The following DIS3L2 variants were observed in gnomAD, a reference collection of about 807,000 sequenced individuals.
DIS3L2 encodes the protein DIS3 like 3'-5' exoribonuclease 2.
DIS3L2 carries 34 observed loss-of-function variants against 97.5 expected under a neutral mutation model. That is an observed-to-expected ratio of 0.35 (90% CI 0.27 to 0.46). DIS3L2 has a LOEUF of 0.46. Ranked by LOEUF, DIS3L2 falls within the 20% of genes least tolerant of loss-of-function variation. The pLI, the probability that DIS3L2 is intolerant of heterozygous loss-of-function variation, is 1.00. For synonymous variants in DIS3L2, 435 were observed against 445.2 expected, an observed-to-expected ratio of 0.98 and a Z score of 0.29; for missense variants, 1,038 against 1,146.0, an observed-to-expected ratio of 0.91 and a Z score of 1.36.
intron 3 of DIS3L2, among the ~76,000 whole-genome samples, chr2:232,021,181 A>G (rs1181564778): frequency 6.6e-6 from 1 of 152,152 alleles, no homozygotes; most frequent in East Asian, 1.9e-4. Flanking sequence ...AGTTGAGAGT[A>G]GAGAATCAAG....
chr2:231,981,598 T>TTATATATATA (rs10669283), intron 1 of DIS3L2, among the ~76,000 whole-genome samples: 1,378 of 83,900 alleles, frequency 0.016, 20 homozygotes, highest in Non-Finnish European at 0.022. Context: ...GTTAAGTATT[T>TTATATATATA]TATATATATA....
At chr2:232,208,795 A>T (rs530601571) in intron 9 of DIS3L2, among the ~76,000 whole-genome samples, 69 of 152,228 alleles carry the variant, frequency 4.5e-4, no homozygotes, top group African/African-American at 1.5e-3. Flanking sequence ...TGGGAGGCCA[A>T]GTTGAGAGGA....
intron 1 of DIS3L2, among the ~76,000 whole-genome samples, chr2:232,012,476 G>A (rs1694230375): frequency 6.7e-6 from 1 of 148,268 alleles, no homozygotes; most frequent in African/African-American, 2.4e-5. Flanking sequence ...GACATGTAGT[G>A]CCCCATTTTC....
intron 9 of DIS3L2, among the ~76,000 whole-genome samples, chr2:232,201,100 A>T (rs549163793): frequency 6.6e-6 from 1 of 152,358 alleles, no homozygotes; most frequent in East Asian, 1.9e-4. Context: ...AGAGCAGGAT[A>T]TTCACATGAT....
intron 1 of DIS3L2, among the ~76,000 whole-genome samples, chr2:231,985,645 C>T (rs1693389552): frequency 1.3e-5 from 2 of 152,200 alleles, no homozygotes; most frequent in South Asian, 4.1e-4. Flanking sequence ...TTATTTCCTT[C>T]CTTTCTCTCT....
intron 11 of DIS3L2, among the ~76,000 whole-genome samples, chr2:232,241,034 G>A (rs1004033874): frequency 3.3e-5 from 5 of 152,306 alleles, no homozygotes; most frequent in Admixed American, 3.3e-4. Context: ...TGGAGGAAGG[G>A]CCCGCACGCC....
rs1403968401 is a variant in DIS3L2 at position 232,334,466 on chromosome 2, C to A, written c.2256C>A (p.Leu752=). 1 of 1,613,808 alleles carries A rather than the reference C, an allele frequency of 6.2e-7. No homozygotes were observed. Among genetic ancestry groups the A allele is most frequent in the Non-Finnish European group, 8.5e-7 (1 of 1,180,004 alleles). ...RRMASKRVQE[L]STSLFFAVLV... Reference sequence around the variant, plus strand: ...TGGCGTCCAAGCGCGTGCAGGAGCTCAGTACCAGTCTCTTCTTTGCTGTTC... The same window carrying A: ...TGGCGTCCAAGCGCGTGCAGGAGCTAAGTACCAGTCTCTTCTTTGCTGTTC... Residue 752 remains leucine, a synonymous_variant, in exon 18 of 21, where the codon CTC becomes CTA. Coordinates refer to ENST00000325385, the MANE Select transcript of DIS3L2 (RefSeq NM_152383.5).
chr2:232,177,312 T>A, intron 9 of DIS3L2, among the ~76,000 whole-genome samples: 1 of 147,178 alleles, frequency 6.8e-6, no homozygotes, highest in Non-Finnish European at 1.5e-5. Flanking sequence ...GTCATTTGGG[T>A]ATATATACCC....
chr2:232,321,626 GAGCAGGAAAAGCAA>G (rs1437473830), intron 14 of DIS3L2, among the ~76,000 whole-genome samples: 1 of 152,198 alleles, frequency 6.6e-6, no homozygotes, highest in East Asian at 1.9e-4. Flanking sequence ...GCGAAACCAA[GAGCAGGAAAAGCAA>G]CCCTGCTCAG....
intron 1 of DIS3L2, among the ~76,000 whole-genome samples, chr2:231,962,038 C>G (rs1692572595): frequency 6.6e-6 from 1 of 152,234 alleles, no homozygotes; most frequent in Non-Finnish European, 1.5e-5. Context: ...CCCTTGTAGC[C>G]TAGGATGGCG....
chr2:232,193,804 T>C (rs934775637), intron 9 of DIS3L2, among the ~76,000 whole-genome samples: 3 of 152,190 alleles, frequency 2.0e-5, no homozygotes, highest in Non-Finnish European at 4.4e-5. Context: ...AGCCTTTTTT[T>C]CCAGTGATTG....
At chr2:232,267,804 T>C (rs112962554) in intron 13 of DIS3L2, among the ~76,000 whole-genome samples, 148 of 152,280 alleles carry the variant, frequency 9.7e-4, no homozygotes, top group Non-Finnish European at 1.9e-3. Flanking sequence ...TCAGGCACCT[T>C]CCCACTTAGG....
chr2:232,030,811 T>G (rs543692238), intron 5 of DIS3L2, among the ~76,000 whole-genome samples: 12 of 152,276 alleles, frequency 7.9e-5, no homozygotes, highest in African/African-American at 2.9e-4. Flanking sequence ...GGCTTTTTTG[T>G]TTTATTTATT....
intron 1 of DIS3L2, among the ~76,000 whole-genome samples, chr2:231,990,305 G>C (rs1210390494): frequency 6.6e-6 from 1 of 151,884 alleles, no homozygotes; most frequent in Non-Finnish European, 1.5e-5. Flanking sequence ...TGTTTCTAAA[G>C]TACTTGTGTT....
At chr2:232,270,483 A>T (rs1318993971) in intron 13 of DIS3L2, among the ~76,000 whole-genome samples, 2 of 152,180 alleles carry the variant, frequency 1.3e-5, no homozygotes, top group Non-Finnish European at 2.9e-5. Context: ...ACATTATAAT[A>T]CCTACATAAT....
At chr2:232,215,888 G>T (rs1692318884) in intron 10 of DIS3L2, among the ~76,000 whole-genome samples, 1 of 152,178 alleles carries the variant, frequency 6.6e-6, no homozygotes, top group Non-Finnish European at 1.5e-5. Context: ...GAGTGAAAAG[G>T]TTCGTGCATG....
At position 232,295,978 on chromosome 2, in the gene DIS3L2, A is replaced by G. The variant is rs564649230; in HGVS notation, c.1660-4062A>G. 7.9e-5 allele frequency among the ~76,000 whole-genome samples: 12 copies of G among 152,322 alleles called. No individual in the cohort carries two copies. In the South Asian group the frequency reaches 2.5e-3, roughly 32 times the overall value. On this transcript the variant is annotated intron_variant, in intron 13 of 20. Transcript: ENST00000325385. ...CAGCTCTTAAATACAGGTGTTTCTC[A>G]GGATTCTATCCAGGGCTCTCTTATC...
chr2:232,300,798 G>A (rs1052549287), intron 14 of DIS3L2, among the ~76,000 whole-genome samples: 4 of 151,930 alleles, frequency 2.6e-5, no homozygotes, highest in African/African-American at 9.7e-5. Context: ...TACTACAGGT[G>A]CACACCACCA....
intron 6 of DIS3L2, among the ~76,000 whole-genome samples, chr2:232,099,837 T>C (rs990561314): frequency 2.0e-5 from 3 of 152,236 alleles, no homozygotes; most frequent in African/African-American, 7.2e-5. Flanking sequence ...TTCAACTTTA[T>C]TAGCATGTAG....
Sources: gnomAD v4.1 joint callset for allele counts (sites outside exome capture counted in the v4.1 genomes callset) on GRCh38, gnomAD v4.1.1 for gene constraint, MANE v1.5 for transcripts, NCBI Gene and HGNC (gene_info 2026-07-23, HGNC 2026-07-21) for gene names.